The following STK11IP variants were observed in gnomAD, a reference collection of about 807,000 sequenced individuals.
STK11IP encodes serine/threonine kinase 11 interacting protein.
Under a neutral mutation model 131.7 loss-of-function variants are expected in STK11IP, and 103 were observed. That is an observed-to-expected ratio of 0.78 (90% CI 0.67 to 0.92). The LOEUF (loss-of-function observed/expected upper bound fraction) is 0.92, where lower values mean the gene tolerates loss of function less well. Among genes scored for constraint, STK11IP ranks in the 40% least tolerant of loss-of-function variants. STK11IP has a pLI of 0.00. For synonymous variants in STK11IP, 557 were observed against 575.6 expected (o/e 0.97, Z 0.46); for missense variants, 1,315 against 1,385.7 (o/e 0.95, Z 0.81).
At position 219,608,064 on chromosome 2, in the gene STK11IP, C is replaced by T. The variant is rs1028096682; in HGVS notation, c.1237C>T (p.His413Tyr). The change falls in exon 14 of 25, where the codon CAC becomes TAC. Residue 413 changes from histidine (H) to tyrosine (Y), a missense_variant. Coordinates refer to ENST00000456909, the MANE Select transcript of STK11IP (RefSeq NM_052902.4). ...PSPAGWFVQQ[H>Y]PELELMSSFR... Reference sequence around the variant, plus strand: ...CTGCCTAGGATGGTTCGTGCAGCAGCACCCGGAGCTGGAGCTCATGAGCAG... The same window carrying T: ...CTGCCTAGGATGGTTCGTGCAGCAGTACCCGGAGCTGGAGCTCATGAGCAG... The T allele has an allele frequency of 6.2e-7, 1 of 1,611,812 alleles. No homozygotes were observed. The highest frequency in any genetic ancestry group is 8.5e-7 in the Non-Finnish European group (1 of 1,179,720).
At chr2:219,612,108 C>T (rs957813937) in intron 19 of STK11IP, 50 bp downstream of exon 19, 3 of 1,519,454 alleles carry the variant, frequency 2.0e-6, no homozygotes, top group Non-Finnish European at 2.7e-6. Flanking sequence ...AGGGTGCCCA[C>T]TCGTTTCCAT....
chr2:219,614,814 A>G (rs1303150714), intron 23 of STK11IP: 2 of 642,146 alleles, frequency 3.1e-6, no homozygotes, highest in Non-Finnish European at 5.6e-6. Flanking sequence ...AGCGTGGCTG[A>G]GTCGGCCCTG....
intron 7 of STK11IP, among the ~76,000 whole-genome samples, chr2:219,604,267 A>G (rs1698082875): frequency 6.6e-6 from 1 of 152,124 alleles, no homozygotes; most frequent in Admixed American, 6.5e-5. Flanking sequence ...CAACAAAAAT[A>G]ATTTGTGTTG....
At chr2:219,614,348 A>G in intron 22 of STK11IP, 106 bp downstream of exon 22, 1 of 1,523,680 alleles carries the variant, frequency 6.6e-7, no homozygotes. Flanking sequence ...ACCTGTCCTC[A>G]TGCCATGCCC....
chr2:219,609,497 A>T lies in STK11IP; in HGVS notation c.2061A>T (p.Gly687=). 1 of 1,596,292 alleles carries T rather than the reference A, an allele frequency of 6.3e-7. No individual in the cohort carries two copies. The highest frequency in any genetic ancestry group is 8.5e-7 in the Non-Finnish European group (1 of 1,171,086). ...TCAAGCCAGAGGAGCCCAGGATGGG[A>T]TTAGACAGTGAGGAAGGCTGGAGGC... ...HEFKPEEPRM[G]LDSEEGWRPL... Residue 687 remains glycine (G), a synonymous_variant, in exon 17 of 25, where the codon GGA becomes GGT. Transcript: ENST00000456909.
chr2:219,602,394 G>A, intron 5 of STK11IP, 74 bp from the exon 6 acceptor site: 1 of 1,104,678 alleles, frequency 9.1e-7, no homozygotes. Context: ...ATGAGTGACT[G>A]GGTGGTAGAG....
chr2:219,609,015 A>C, intron 15 of STK11IP, 82 bp from the exon 16 acceptor site: 1 of 1,179,864 alleles, frequency 8.5e-7, no homozygotes, highest in Non-Finnish European at 1.2e-6. Context: ...AGGTCCTGCC[A>C]TCCTCCATGC....
rs1400029790 is a variant in STK11IP, at chr2:219,615,280, T to A, written c.3056T>A (p.Leu1019Gln). 6.2e-7 allele frequency: 1 copy of A among 1,600,920 alleles called. No individual in the cohort carries two copies. Among genetic ancestry groups the A allele is most frequent in the Admixed American group, 1.7e-5 (1 of 59,524 alleles). Residue 1019 changes from leucine (L) to glutamine (Q), a missense_variant, in exon 24 of 25, where the codon CTG (leucine) becomes CAG (glutamine). Coordinates refer to ENST00000456909, the MANE Select transcript of STK11IP (RefSeq NM_052902.4). The stretch of plus-strand genomic sequence containing the variant: ...AGGGAGCAGCAGCCACTCAGCAGCC[T>A]GAGCTCCGTGCTGCTCTACCGCTCA... ...RVREQQPLSS[L>Q]SSVLLYRSAP...
At chr2:219,606,358 C>G in intron 10 of STK11IP, 68 bp downstream of exon 10, 1 of 1,544,622 alleles carries the variant, frequency 6.5e-7, no homozygotes, top group Non-Finnish European at 8.8e-7. Context: ...CTTGCACCCT[C>G]TTGCCATCCC....
intron 17 of STK11IP, 173 bp downstream of exon 17, chr2:219,609,713 GA>G (rs1698330437): frequency 1.4e-6 from 1 of 705,476 alleles, no homozygotes; most frequent in Non-Finnish European, 2.3e-6. Context: ...TTACAAAAAG[GA>G]AAACAGAAAA....
In STK11IP at chr2:219,601,084, T is replaced by C. The variant is rs180836660; in HGVS notation, c.62-151T>C. On this transcript the variant is annotated intron_variant, in intron 2 of 24. Transcript: ENST00000456909. ...AGATGAGGGGAGCCATTGAATGCTT[T>C]TGAGCTGAGAAGGAGATAGAAAATT... The C allele has an allele frequency of 2.6e-4, 165 of 642,590 alleles. No homozygotes were observed. The East Asian group carries it at 4.1e-3, about 16-fold the overall frequency. The allele number at this position is 642,590 out of a possible 1,614,324, so 39.8% of individuals were successfully genotyped here.
At chr2:219,605,912 G>T in intron 8 of STK11IP, 44 bp from the exon 9 acceptor site, 2 of 1,530,436 alleles carry the variant, frequency 1.3e-6, no homozygotes, top group Non-Finnish European at 8.9e-7. Context: ...TCACTTGCGT[G>T]TACTCATCCA....
At chr2:219,604,293 G>C (rs664254) in intron 7 of STK11IP, among the ~76,000 whole-genome samples, 44,310 of 152,096 alleles carry the variant, frequency 0.29, 8,190 homozygotes, top group East Asian at 0.68. Flanking sequence ...TGTTGAACTT[G>C]TGCTGAACAA....
At chr2:219,602,892 G>A in intron 7 of STK11IP, 116 bp downstream of exon 7, 1 of 996,126 alleles carries the variant, frequency 1.0e-6, no homozygotes, top group Non-Finnish European at 1.5e-6. Context: ...GGGTGGAGCT[G>A]CATTCTGGGA....
At chr2:219,603,678 G>A (rs954492733) in intron 7 of STK11IP, among the ~76,000 whole-genome samples, 1 of 151,788 alleles carries the variant, frequency 6.6e-6, no homozygotes, top group Admixed American at 6.6e-5. Flanking sequence ...CCGCCACCAT[G>A]CCCAGCTAAT....
intron 13 of STK11IP, 84 bp downstream of exon 13, chr2:219,607,221 G>C: frequency 7.3e-7 from 1 of 1,367,898 alleles, no homozygotes; most frequent in South Asian, 1.2e-5. Flanking sequence ...TCTGCTGGAA[G>C]AAATGTTATT....
chr2:219,601,142 T>C lies in STK11IP; in HGVS notation c.62-93T>C. The C allele has an allele frequency of 5.4e-6, 5 of 925,978 alleles. No homozygotes were observed. In the South Asian group the frequency reaches 6.8e-5, roughly 13 times the overall value. The allele number at this position is 925,978 out of a possible 1,614,324, so 57.4% of individuals were successfully genotyped here. A position where few individuals can be genotyped will look rare whatever the true frequency, so the allele number is the denominator to read the frequency against. ...GCAATAGAAGATCTACAATATGGAT[T>C]GGAGTGGGTATATTTTGGCATCATA... On this transcript the variant is annotated intron_variant, in intron 2 of 24. Transcript: ENST00000456909.
At chr2:219,601,551 A>G in intron 3 of STK11IP, 90 bp from the exon 4 acceptor site, 1 of 1,553,578 alleles carries the variant, frequency 6.4e-7, no homozygotes. Flanking sequence ...AGAGGGTGTC[A>G]GAGGTACCAG....
chr2:219,604,990 C>A (rs1197668706), intron 7 of STK11IP, among the ~76,000 whole-genome samples: 2 of 152,150 alleles, frequency 1.3e-5, no homozygotes, highest in African/African-American at 4.8e-5. Flanking sequence ...CCACCACGCC[C>A]AGCTAATTTT....
Sources: allele counts gnomAD v4.1 joint callset (sites outside exome capture counted in the v4.1 genomes callset), GRCh38; gene constraint gnomAD v4.1.1; transcripts MANE v1.5; gene names NCBI Gene and HGNC (gene_info 2026-07-23, HGNC 2026-07-21).